HECW2: variants seen among roughly 807,000 people sequenced by gnomAD.
HECW2 encodes the protein HECT, C2 and WW domain containing E3 ubiquitin protein ligase 2.
HECW2 carries 61 observed loss-of-function variants against 175.2 expected under a neutral mutation model. That is an observed-to-expected ratio of 0.35 (90% CI 0.28 to 0.43). The LOEUF (loss-of-function observed/expected upper bound fraction) is 0.43. Ranked by LOEUF, HECW2 falls within the 20% of genes least tolerant of loss-of-function variation. The pLI is 1.00. For missense variants in HECW2, 1,524 were observed against 2,000.5 expected (o/e 0.76, Z 4.54); for synonymous variants, 671 against 731.0 (o/e 0.92, Z 1.32).
At chr2:196,457,279 A>T (rs971417527) in intron 1 of HECW2, among the ~76,000 whole-genome samples, 12 of 152,214 alleles carry the variant, frequency 7.9e-5, no homozygotes, top group African/African-American at 2.9e-4. Context: ...CTCAGAGAGA[A>T]TCTCGCCTGA....
intron 1 of HECW2, among the ~76,000 whole-genome samples, chr2:196,524,700 G>A (rs1260930657): frequency 8.3e-6 from 1 of 120,340 alleles, no homozygotes. Flanking sequence ...TGGTTTCAAA[G>A]AACATCTTTA....
At chr2:196,378,738 A>G (rs1694119273) in intron 2 of HECW2, among the ~76,000 whole-genome samples, 1 of 152,252 alleles carries the variant, frequency 6.6e-6, no homozygotes. Flanking sequence ...GGAAATAAGT[A>G]CAGAAGAAAT....
At chr2:196,447,556 T>C (rs1294530393) in intron 1 of HECW2, among the ~76,000 whole-genome samples, 1 of 152,236 alleles carries the variant, frequency 6.6e-6, no homozygotes, top group South Asian at 2.1e-4. Context: ...TCTGGCAAAG[T>C]TAGAACAATT....
chr2:196,338,159 C>T (rs186404282), intron 3 of HECW2, among the ~76,000 whole-genome samples: 8 of 152,150 alleles, frequency 5.3e-5, no homozygotes, highest in Admixed American at 3.3e-4. Flanking sequence ...GTTGGGGAGG[C>T]GGAGGGGCTT....
intron 17 of HECW2, among the ~76,000 whole-genome samples, chr2:196,267,698 G>A (rs1219371247): frequency 3.3e-5 from 5 of 152,114 alleles, no homozygotes; most frequent in Non-Finnish European, 5.9e-5. Context: ...GAAGTCTCAG[G>A]GAAGAGAAAA....
chr2:196,531,337 T>G (rs13391927), intron 1 of HECW2, among the ~76,000 whole-genome samples: 5,384 of 152,254 alleles, frequency 0.035, 313 homozygotes, highest in African/African-American at 0.12. Context: ...AGCTTGTACT[T>G]TAACAAATAC....
chr2:196,551,395 C>CA lies in HECW2; in HGVS notation c.-36+42112dup, dbSNP rs1224734921. ...ACATTTGTATGAGACCTTAAAAGACCAAAAAAAGTCAAGCTATTGTTAAAA... is the reference window on the plus strand; with the variant it reads ...ACATTTGTATGAGACCTTAAAAGACCAAAAAAAAGTCAAGCTATTGTTAAAA... On this transcript the variant is annotated intron_variant, in intron 1 of 28. Coordinates refer to ENST00000644978, the MANE Select transcript of HECW2 (RefSeq NM_001348768.2). 5.9e-5 allele frequency among the ~76,000 whole-genome samples: 9 copies of CA among 151,900 alleles called. No individual in the cohort carries two copies. The East Asian group carries it at 1.2e-3, about 20-fold the overall frequency.
chr2:196,262,126 G>A (rs1412646156), intron 17 of HECW2, among the ~76,000 whole-genome samples: 1 of 152,136 alleles, frequency 6.6e-6, no homozygotes, highest in Non-Finnish European at 1.5e-5. Context: ...CCTGGGCTCA[G>A]GTGATCCTCT....
chr2:196,545,763 C>T (rs963820641), intron 1 of HECW2, among the ~76,000 whole-genome samples: 1 of 152,144 alleles, frequency 6.6e-6, no homozygotes, highest in Non-Finnish European at 1.5e-5. Context: ...ATCACATTTC[C>T]CCTGTTCCCA....
chr2:196,394,934 T>G (rs1336707416), intron 2 of HECW2, among the ~76,000 whole-genome samples: 1 of 152,198 alleles, frequency 6.6e-6, no homozygotes, highest in Admixed American at 6.5e-5. Flanking sequence ...GATCAAGACA[T>G]CAGCAGATTC....
intron 1 of HECW2, among the ~76,000 whole-genome samples, chr2:196,498,681 T>C (rs77513575): frequency 0.012 from 1,862 of 152,266 alleles, 45 homozygotes; most frequent in African/African-American, 0.043. Flanking sequence ...GGCCACAGGG[T>C]TAGTTTACGG....
At chr2:196,380,751 G>C (rs1296756265) in intron 2 of HECW2, among the ~76,000 whole-genome samples, 1 of 152,152 alleles carries the variant, frequency 6.6e-6, no homozygotes, top group East Asian at 1.9e-4. Context: ...TTGTTTTCAT[G>C]ACTACCATGG....
intron 1 of HECW2, among the ~76,000 whole-genome samples, chr2:196,577,728 T>C (rs968005316): frequency 1.3e-5 from 2 of 152,174 alleles, no homozygotes; most frequent in East Asian, 1.9e-4. Flanking sequence ...CTCTCAGCAA[T>C]GACTGAGATT....
intron 9 of HECW2, 56 bp from the exon 10 acceptor site, chr2:196,317,425 A>T (rs1691741052): frequency 8.1e-7 from 1 of 1,232,672 alleles, no homozygotes; most frequent in Non-Finnish European, 1.2e-6. Flanking sequence ...GTATCAAAAC[A>T]GACTCTATAC....
chr2:196,496,411 T>C (rs1379894941), intron 1 of HECW2, among the ~76,000 whole-genome samples: 1 of 73,268 alleles, frequency 1.4e-5, no homozygotes, highest in Non-Finnish European at 2.3e-5. Context: ...CATATATGTA[T>C]ATATATATAT....
chr2:196,351,536 A>G (rs1050293186), intron 2 of HECW2, among the ~76,000 whole-genome samples: 1 of 152,220 alleles, frequency 6.6e-6, no homozygotes, highest in Non-Finnish European at 1.5e-5. Context: ...CCTCCTACCA[A>G]TCAACCCAGG....
At chr2:196,337,314 C>CTTT (rs1692583843) in intron 3 of HECW2, among the ~76,000 whole-genome samples, 1 of 127,086 alleles carries the variant, frequency 7.9e-6, no homozygotes, top group Non-Finnish European at 1.6e-5. Flanking sequence ...GCAAGAGGAG[C>CTTT]ATTTTTTTTT....
chr2:196,425,351 T>C (rs1183902622), intron 2 of HECW2, among the ~76,000 whole-genome samples: 2 of 152,162 alleles, frequency 1.3e-5, no homozygotes, highest in African/African-American at 4.8e-5. Flanking sequence ...AGGAGTAATT[T>C]TGAATTTCAA....
rs777631123 is a variant in HECW2 at position 196,278,662 on chromosome 2, C to T, written c.3001G>A (p.Ala1001Thr). 1.7e-5 allele frequency: 28 copies of T among 1,613,754 alleles called. 1 individual carries two copies. The South Asian group carries it at 2.9e-4, about 16-fold the overall frequency. The change falls in exon 15 of 29, where the codon GCA becomes ACA. Residue 1001 changes from alanine (A) to threonine (T), a missense_variant and splice_region_variant. Around this residue, in one of 11 missense-constraint regions of HECW2, gnomAD observed 291 missense variants for 412.2 expected, o/e 0.71. Transcript: ENST00000644978. ...CGGGAGTTGTGGTCCACAAAGAATG[C>T]CTAGGATACAATACACTGAGTCAAA... ...WEMKHDHQGKAFFVDHNSRTT... is the reference protein window; with the variant it reads ...WEMKHDHQGKTFFVDHNSRTT...
Sources: allele counts gnomAD v4.1 joint callset (sites outside exome capture counted in the v4.1 genomes callset), GRCh38; gene constraint gnomAD v4.1.1; regional missense constraint gnomAD v4.1.1; transcripts MANE v1.5; gene names NCBI Gene and HGNC (gene_info 2026-07-23, HGNC 2026-07-21).